Variants in TSPAN9 observed in about 807,000 individuals in gnomAD.
TSPAN9 encodes tetraspanin 9.
A neutral mutation model predicts 31.0 loss-of-function variants in TSPAN9; 16 were observed. The observed-to-expected ratio is 0.52, with a 90% CI of 0.35 to 0.78. The LOEUF (loss-of-function observed/expected upper bound fraction) is 0.78, where lower values mean the gene tolerates loss of function less well. Among genes scored for constraint, TSPAN9 ranks in the 30% least tolerant of loss-of-function variants. The probability of loss-of-function intolerance (pLI) is 0.01; values close to 1 mark genes in which losing one functional copy is unlikely to be tolerated. For synonymous variants in TSPAN9, 145 were observed against 121.6 expected (o/e 1.19, Z -1.27); for missense variants, 272 against 312.5 (o/e 0.87, Z 0.98).
chr12:3,081,600 C>T (rs528357234), intron 1 of TSPAN9, among the ~76,000 whole-genome samples: 2 of 152,150 alleles, frequency 1.3e-5, no homozygotes, highest in South Asian at 2.1e-4. Flanking sequence ...TCATTTTGCT[C>T]CTGGCCTTTA....
At position 3,147,114 on chromosome 12, in the gene TSPAN9, C is replaced by T. The variant is rs2098337632; in HGVS notation, c.-17-54063C>T. Among the ~76,000 whole-genome samples, 1 of 152,080 alleles carries T rather than the reference C, an allele frequency of 6.6e-6. No homozygotes were observed. The highest frequency in any genetic ancestry group is 2.1e-4 in the South Asian group (1 of 4,826). ...TTCTCTCCCCTTTTCTCCTTACTTC[C>T]TTTCTGCAGGGTATGTAGTGAGATA... is the stretch of plus-strand genomic sequence containing the variant. On this transcript the variant is annotated intron_variant, in intron 2 of 8. Transcript: ENST00000011898. The surrounding 1 kb of genome is among the most constrained non-coding windows in gnomAD (Gnocchi z 4.3).
chr12:3,146,259 T>G (rs1283905071), intron 2 of TSPAN9, among the ~76,000 whole-genome samples: 1 of 151,774 alleles, frequency 6.6e-6, no homozygotes, highest in Non-Finnish European at 1.5e-5. Flanking sequence ...GGATGCGAGG[T>G]CAGGGGATGG....
In TSPAN9 at chr12:3,170,725, G is replaced by T. The variant is rs1291921305; in HGVS notation, c.-17-30452G>T. Among the ~76,000 whole-genome samples the T allele has an allele frequency of 2.6e-5, 4 of 152,198 alleles. No homozygotes were observed. The East Asian group carries it at 5.8e-4, about 22-fold the overall frequency. Reference sequence around the variant, plus strand: ...CAGCTGAAAACACTGCAGGAGAGTTGGGGAGGATGGCAGGAGGTAGAGCGG... The same window carrying T: ...CAGCTGAAAACACTGCAGGAGAGTTTGGGAGGATGGCAGGAGGTAGAGCGG... On this transcript the variant is annotated intron_variant, in intron 2 of 8. Transcript: ENST00000011898. This position sits in a 1 kb window ranked among gnomAD's most constrained non-coding sequence, Gnocchi z 4.4.
At chr12:3,109,583 A>G (rs2098317236) in intron 2 of TSPAN9, among the ~76,000 whole-genome samples, 1 of 151,708 alleles carries the variant, frequency 6.6e-6, no homozygotes, top group East Asian at 2.0e-4. Flanking sequence ...GGATCACCTG[A>G]GGTCAGGAGT....
Position 3,143,951 on chromosome 12 carries a change from G to A in TSPAN9, c.-17-57226G>A, listed in dbSNP as rs192237686. On this transcript the variant is annotated intron_variant, in intron 2 of 8. Coordinates refer to ENST00000011898, the MANE Select transcript of TSPAN9 (RefSeq NM_006675.5). The surrounding 1 kb of genome is among the most constrained non-coding windows in gnomAD (Gnocchi z 4.2). ...CGTTCATTGCTACTGGGGTGTCATT[G>A]CTTCTAGGTCCTCTCAGAGAATAGA... Among the ~76,000 whole-genome samples the A allele has an allele frequency of 6.6e-6, 1 of 152,278 alleles. No homozygotes were observed. The highest frequency in any genetic ancestry group is 1.9e-4 in the East Asian group (1 of 5,190).
chr12:3,156,089 G>T (rs1354880376), intron 2 of TSPAN9, among the ~76,000 whole-genome samples: 2 of 152,208 alleles, frequency 1.3e-5, no homozygotes, highest in African/African-American at 4.8e-5. Flanking sequence ...TTTCAGATCA[G>T]TGACAATGTC....
At chr12:3,227,385 T>A (rs1361029970) in intron 3 of TSPAN9, among the ~76,000 whole-genome samples, 2 of 152,160 alleles carry the variant, frequency 1.3e-5, no homozygotes, top group East Asian at 3.9e-4. Flanking sequence ...TGACAAGGGC[T>A]GGCTTCTGAC....
At chr12:3,278,838 T>C (rs544668) in intron 4 of TSPAN9, among the ~76,000 whole-genome samples, 154 bp from the exon 5 acceptor site, 60,555 of 152,064 alleles carry the variant, frequency 0.4, 12,124 homozygotes, top group Middle Eastern at 0.54. Flanking sequence ...CCTTTATGTC[T>C]CTGTCCTAGC....
intron 3 of TSPAN9, among the ~76,000 whole-genome samples, chr12:3,263,516 A>T (rs1281427936): frequency 6.6e-6 from 1 of 152,188 alleles, no homozygotes; most frequent in Admixed American, 6.5e-5. Context: ...GAGGTGGTGT[A>T]GCAACGCACC....
At chr12:3,243,877 C>G (rs1278575503) in intron 3 of TSPAN9, among the ~76,000 whole-genome samples, 3 of 152,206 alleles carry the variant, frequency 2.0e-5, no homozygotes, top group African/African-American at 4.8e-5. Context: ...GAAGACTTCT[C>G]TTATTGTACT....
chr12:3,152,580 GTTCTT>G (rs985055080), intron 2 of TSPAN9, among the ~76,000 whole-genome samples: 35 of 149,860 alleles, frequency 2.3e-4, no homozygotes, highest in Admixed American at 5.3e-4. Flanking sequence ...TCAGAGCCCC[GTTCTT>G]TTCTTTTCTT....
At chr12:3,224,675 A>G (rs1036311277) in intron 3 of TSPAN9, among the ~76,000 whole-genome samples, 1 of 152,250 alleles carries the variant, frequency 6.6e-6, no homozygotes. Context: ...GATGAGGCCT[A>G]GCGTCTGCTC....
chr12:3,189,857 T>C (rs762405445), intron 2 of TSPAN9, among the ~76,000 whole-genome samples: 12 of 152,112 alleles, frequency 7.9e-5, no homozygotes, highest in Non-Finnish European at 1.6e-4. Context: ...GAGCAGCCGA[T>C]GGCAGTTCAG....
Position 3,280,518 on chromosome 12 carries a change from G to T in TSPAN9, c.432+35G>T. On this transcript the variant is annotated intron_variant, in intron 6 of 8. Transcript: ENST00000011898. The surrounding 1 kb of genome is among the most constrained non-coding windows in gnomAD (Gnocchi z 4.5). ...GGGCCGCCCTGGTGGGGCCAGGCAGGGAGGAGGGGTGGCGGCCGGTACTTC... is the reference window on the plus strand; with the variant it reads ...GGGCCGCCCTGGTGGGGCCAGGCAGTGAGGAGGGGTGGCGGCCGGTACTTC... The T allele has an allele frequency of 6.3e-7, 1 of 1,590,588 alleles. No individual in the cohort carries two copies. The highest frequency in any genetic ancestry group is 8.6e-7 in the Non-Finnish European group (1 of 1,167,004).
intron 2 of TSPAN9, among the ~76,000 whole-genome samples, chr12:3,185,530 G>A (rs2098360786): frequency 6.6e-6 from 1 of 151,934 alleles, no homozygotes; most frequent in South Asian, 2.1e-4. Flanking sequence ...AGAAGGGGTG[G>A]TGGTAAGGGG....
chr12:3,229,401 C>T (rs1259860561), intron 3 of TSPAN9, among the ~76,000 whole-genome samples: 1 of 152,220 alleles, frequency 6.6e-6, no homozygotes, highest in Non-Finnish European at 1.5e-5. Flanking sequence ...CTCACTCTGC[C>T]TTCTTTCCTT....
intron 2 of TSPAN9, among the ~76,000 whole-genome samples, chr12:3,094,538 G>GTTT (rs3062035): frequency 4.9e-5 from 7 of 142,618 alleles, no homozygotes; most frequent in South Asian, 2.2e-4. Context: ...TGTTGTTGTT[G>GTTT]TTTTTTTTTT....
chr12:3,245,096 A>G (rs616648), intron 3 of TSPAN9, among the ~76,000 whole-genome samples: 147,836 of 152,272 alleles, frequency 0.97, 71,903 homozygotes, highest in South Asian at 1. Context: ...CCCCAGGTAC[A>G]GCCACACTCC....
At chr12:3,194,715 TAAAAA>T (rs1047253539) in intron 2 of TSPAN9, among the ~76,000 whole-genome samples, 3 of 152,070 alleles carry the variant, frequency 2.0e-5, no homozygotes, top group Admixed American at 2.0e-4. Context: ...CTCAGAAACT[TAAAAA>T]AACAAACAGA....
Sources: gnomAD v4.1 joint callset for allele counts (sites outside exome capture counted in the v4.1 genomes callset) on GRCh38, gnomAD v4.1.1 for gene constraint, Gnocchi (gnomAD v3.1) non-coding constraint, MANE v1.5 for transcripts, NCBI Gene and HGNC (gene_info 2026-07-23, HGNC 2026-07-21) for gene names.